STX1B: variants seen among roughly 807,000 people sequenced by gnomAD.
The protein encoded by STX1B is syntaxin 1B, also known as syntaxin-1B.
STX1B carries 7 observed loss-of-function variants against 39.4 expected under a neutral mutation model. That is an observed-to-expected ratio of 0.18 (90% CI 0.10 to 0.33). The LOEUF is 0.33. Ranked by LOEUF, STX1B falls within the 10% of genes least tolerant of loss-of-function variation. STX1B has a pLI of 1.00. For missense variants in STX1B, 198 were observed against 383.2 expected (o/e 0.52, Z 4.04); for synonymous variants, 136 against 144.1 (o/e 0.94, Z 0.40).
At chr16:31,000,798 C>T in intron 4 of STX1B, 130 bp downstream of exon 4, 1 of 888,954 alleles carries the variant, frequency 1.1e-6, no homozygotes, top group East Asian at 2.5e-5. Flanking sequence ...AGAGTTTTGC[C>T]ATGTTGCCCA....
intron 4 of STX1B, among the ~76,000 whole-genome samples, chr16:31,000,396 G>A (rs1420481611): frequency 6.8e-6 from 1 of 148,114 alleles, no homozygotes; most frequent in Non-Finnish European, 1.5e-5. Flanking sequence ...ACAGCAGCAT[G>A]ATCTCGGCTC....
Position 30,993,177 on chromosome 16 carries a change from C to T in STX1B, c.739G>A (p.Val247Met). The change falls in exon 9 of 10, where the codon GTG becomes ATG. Residue 247 changes from valine to methionine, a missense_variant. Coordinates refer to ENST00000215095, the MANE Select transcript of STX1B (RefSeq NM_052874.5). ...EHSVDYVERA[V>M]SDTKKAVKYQ... ...TTCACTGCTTTCTTGGTGTCAGACA[C>T]AGCTCGCTCCACGTAGTCCACAGAA... is the stretch of plus-strand genomic sequence containing the variant. 6.2e-7 allele frequency: 1 copy of T among 1,614,240 alleles called. No homozygotes were observed. Among genetic ancestry groups the T allele is most frequent in the Non-Finnish European group, 8.5e-7 (1 of 1,180,046 alleles).
chr16:31,003,387 G>A (rs2056641226), intron 1 of STX1B, among the ~76,000 whole-genome samples: 1 of 152,160 alleles, frequency 6.6e-6, no homozygotes, highest in African/African-American at 2.4e-5. Flanking sequence ...GCTCACCTCT[G>A]AGGACCCATC....
chr16:30,996,001 AC>A (rs1329190848), intron 7 of STX1B, among the ~76,000 whole-genome samples: 1 of 151,378 alleles, frequency 6.6e-6, no homozygotes, highest in Non-Finnish European at 1.5e-5. Flanking sequence ...ACAGAGGAAG[AC>A]CCCCCATCTC....
At chr16:30,998,355 C>T (rs1471542162) in intron 4 of STX1B, among the ~76,000 whole-genome samples, 1 of 152,238 alleles carries the variant, frequency 6.6e-6, no homozygotes. Context: ...AGCCTCACTC[C>T]TCCGTTCTGT....
chr16:30,995,165 G>A (rs1012845307), intron 7 of STX1B, among the ~76,000 whole-genome samples: 2 of 151,944 alleles, frequency 1.3e-5, no homozygotes, highest in Admixed American at 6.6e-5. Flanking sequence ...TTGTAGAGAT[G>A]GGGGTCTCAC....
At position 31,010,350 on chromosome 16, in the gene STX1B, C is replaced by T; in HGVS notation, c.30+17G>A. 7.0e-7 allele frequency: 1 copy of T among 1,428,554 alleles called. No homozygotes were observed. The highest frequency in any genetic ancestry group is 9.4e-7 in the Non-Finnish European group (1 of 1,062,298). 88.5% of individuals were successfully genotyped at this position (1,428,554 alleles called of 1,614,324 possible). On this transcript the variant is annotated intron_variant, in intron 1 of 9. Coordinates refer to ENST00000215095, the MANE Select transcript of STX1B (RefSeq NM_052874.5). ...ATTGGGGTCCCGCCCCCCCATTCTC[C>T]CCACCCCCAAGCTCACACTCCGCAG...
chr16:31,008,470 A>G (rs946572388), intron 1 of STX1B, among the ~76,000 whole-genome samples: 22 of 149,820 alleles, frequency 1.5e-4, no homozygotes, highest in African/African-American at 5.4e-4. Flanking sequence ...CCAATTCCAC[A>G]CCACCTGATC....
chr16:31,004,544 C>T (rs910065454), intron 1 of STX1B, among the ~76,000 whole-genome samples: 9 of 152,106 alleles, frequency 5.9e-5, no homozygotes, highest in East Asian at 1.9e-4. Flanking sequence ...CATGGTGGTG[C>T]GCACCTGTAG....
intron 8 of STX1B, 51 bp from the exon 9 acceptor site, chr16:30,993,291 AG>A (rs1382389372): frequency 1.2e-6 from 2 of 1,613,304 alleles, no homozygotes; most frequent in Non-Finnish European, 1.7e-6. Context: ...GGGCTGGAAG[AG>A]GGGACCTCAG....
intron 4 of STX1B, 35 bp from the exon 5 acceptor site, chr16:30,997,610 C>G: frequency 6.3e-7 from 1 of 1,579,578 alleles, no homozygotes; most frequent in Non-Finnish European, 8.6e-7. Context: ...GGGCGGGAGA[C>G]CCGGGGCACA....
intron 7 of STX1B, among the ~76,000 whole-genome samples, chr16:30,994,881 A>G (rs2056583363): frequency 1.8e-5 from 2 of 113,922 alleles, no homozygotes; most frequent in Admixed American, 2.0e-4. Flanking sequence ...GACAGTGTTC[A>G]GTCTCCCCGT....
rs2056566774 is a variant in STX1B, at chr16:30,992,646, G to GGT, written c.*174_*175insAC. On this transcript the variant is annotated 3_prime_UTR_variant, in exon 10 of 10. Transcript: ENST00000215095. ...CTGCGATCTACGTGCGGGGACGGGG[G>GGT]GGGGGTCCATGGCCCGGTGAGGTCC... 2 of 522,560 alleles carry GGT rather than the reference G, an allele frequency of 3.8e-6. No individual in the cohort carries two copies. The highest frequency in any genetic ancestry group is 2.0e-5 in the African/African-American group (1 of 51,244). 32.4% of individuals were successfully genotyped at this position (522,560 alleles called of 1,614,324 possible). A position where few individuals can be genotyped will look rare whatever the true frequency, so the allele number is the denominator to read the frequency against.
chr16:30,989,824 T>G lies in STX1B; in HGVS notation c.*2997A>C, dbSNP rs1596711552. On this transcript the variant is annotated 3_prime_UTR_variant, in exon 10 of 10. Transcript: ENST00000215095. ...GACACGCAGTGTGCTTCATGAGGGG[T>G]GGGAACAGGGAGGAGGGGGAAGAGG... The G allele has an allele frequency of 6.6e-6, 1 of 150,930 alleles. No individual in the cohort carries two copies. The highest frequency in any genetic ancestry group is 2.5e-5 in the African/African-American group (1 of 40,796). 9.3% of individuals were successfully genotyped at this position (150,930 alleles called of 1,614,324 possible).
At position 30,993,339 on chromosome 16, in the gene STX1B, G is replaced by A; in HGVS notation, c.675+8C>T. The A allele has an allele frequency of 6.2e-7, 1 of 1,614,180 alleles. No individual in the cohort carries two copies. Among genetic ancestry groups the A allele is most frequent in the African/African-American group, 1.3e-5 (1 of 75,060 alleles). ...CTCCCAGAGTGGCATGGGTGGCAGAGCCAGTACCTGGCTCTCTACGAGCAT... is the reference window on the plus strand; with the variant it reads ...CTCCCAGAGTGGCATGGGTGGCAGAACCAGTACCTGGCTCTCTACGAGCAT... On this transcript the variant is annotated splice_region_variant and intron_variant, in intron 8 of 9. Coordinates refer to ENST00000215095, the MANE Select transcript of STX1B (RefSeq NM_052874.5).
rs1229559248 is a variant in STX1B at position 30,991,292 on chromosome 16, G to C, written c.*1529C>G. The stretch of plus-strand genomic sequence containing the variant: ...GAGGGGTACCAGCTTCCAGGGGCTC[G>C]GGGCTATGCTGGGCAGAGACATGGA... On this transcript the variant is annotated 3_prime_UTR_variant, in exon 10 of 10. Coordinates refer to ENST00000215095, the MANE Select transcript of STX1B (RefSeq NM_052874.5). The C allele has an allele frequency of 6.5e-6, 1 of 152,806 alleles. No homozygotes were observed. Among genetic ancestry groups the C allele is most frequent in the Non-Finnish European group, 1.5e-5 (1 of 68,134 alleles). The allele number at this position is 152,806 out of a possible 1,614,324, so 9.5% of individuals were successfully genotyped here.
intron 1 of STX1B, among the ~76,000 whole-genome samples, chr16:31,009,414 C>G (rs548813343): frequency 6.6e-6 from 1 of 152,030 alleles, no homozygotes; most frequent in Admixed American, 6.6e-5. Context: ...GCAGCTCAGC[C>G]GGGGCCGGTA....
Position 30,991,565 on chromosome 16 carries a change from C to G in STX1B, c.*1256G>C, listed in dbSNP as rs2056558278. 6.6e-6 allele frequency: 1 copy of G among 152,612 alleles called. No individual in the cohort carries two copies. The highest frequency in any genetic ancestry group is 2.4e-5 in the African/African-American group (1 of 41,380). 9.5% of individuals were successfully genotyped at this position (152,612 alleles called of 1,614,324 possible). A position where few individuals can be genotyped will look rare whatever the true frequency, so the allele number is the denominator to read the frequency against. On this transcript the variant is annotated 3_prime_UTR_variant, in exon 10 of 10. Transcript: ENST00000215095. ...GCAGAAACACACCATGTAGGTCAGG[C>G]AGGACAGAAACACATCATGTAGGCC...
chr16:30,991,031 G>A lies in STX1B; in HGVS notation c.*1790C>T, dbSNP rs1839293389. The A allele has an allele frequency of 6.6e-6, 1 of 152,640 alleles. No homozygotes were observed. Among genetic ancestry groups the A allele is most frequent in the Non-Finnish European group, 1.5e-5 (1 of 68,126 alleles). The allele number at this position is 152,640 out of a possible 1,614,324, so 9.5% of individuals were successfully genotyped here. On this transcript the variant is annotated 3_prime_UTR_variant, in exon 10 of 10. Transcript: ENST00000215095. ...CAGAGCATCCGATGGGGCAGTGGGG[G>A]ACACACAGTCCTCTCCCAGGTCTGA...
Sources: allele counts gnomAD v4.1 joint callset (sites outside exome capture counted in the v4.1 genomes callset), GRCh38; gene constraint gnomAD v4.1.1; transcripts MANE v1.5; gene names NCBI Gene and HGNC (gene_info 2026-07-23, HGNC 2026-07-21).